EXTL3: variants seen among roughly 807,000 people sequenced by gnomAD.
The protein encoded by EXTL3 is exostosin-like 3.
A neutral mutation model predicts 69.3 loss-of-function variants in EXTL3; 27 were observed. The observed-to-expected ratio is 0.39, with a 90% CI of 0.29 to 0.54. The LOEUF (loss-of-function observed/expected upper bound fraction) is 0.54. Ranked by LOEUF, EXTL3 falls within the 20% of genes least tolerant of loss-of-function variation. The pLI, the probability that EXTL3 is intolerant of heterozygous loss-of-function variation, is 0.69. For missense variants in EXTL3, 1,003 were observed against 1,231.8 expected (o/e 0.81, Z 2.78); for synonymous variants, 511 against 499.4 (o/e 1.02, Z -0.31).
rs1802083307 is a variant in EXTL3, at chr8:28,754,847, CATG to C, written c.*3983_*3985del. On this transcript the variant is annotated 3_prime_UTR_variant, in exon 7 of 7. Coordinates refer to ENST00000220562, the MANE Select transcript of EXTL3 (RefSeq NM_001440.4). Reference sequence around the variant, plus strand: ...TGGTGAGGCAGAAGTGGGAGGATCACATGAGGCCAGTTCAAGACCAGTCTGGGC... The same window carrying C: ...TGGTGAGGCAGAAGTGGGAGGATCACAGGCCAGTTCAAGACCAGTCTGGGC... The C allele has an allele frequency of 6.6e-6, 1 of 152,210 alleles. No individual in the cohort carries two copies. The allele number at this position is 152,210 out of a possible 1,614,324, so 9.4% of individuals were successfully genotyped here. A position where few individuals can be genotyped will look rare whatever the true frequency, so the allele number is the denominator to read the frequency against.
intron 1 of EXTL3, among the ~76,000 whole-genome samples, chr8:28,627,117 T>A (rs1228086004): frequency 6.6e-6 from 1 of 151,082 alleles, no homozygotes; most frequent in East Asian, 1.9e-4. Flanking sequence ...AGGAGGTGGA[T>A]CTTGCAGTGA....
intron 1 of EXTL3, among the ~76,000 whole-genome samples, chr8:28,686,523 A>C (rs1563204478): frequency 6.6e-6 from 1 of 152,214 alleles, no homozygotes; most frequent in East Asian, 1.9e-4. Context: ...GGCTGGCAAA[A>C]AGCCAATGTT....
intron 1 of EXTL3, among the ~76,000 whole-genome samples, chr8:28,657,894 T>C (rs1169476172): frequency 2.0e-5 from 3 of 152,224 alleles, no homozygotes; most frequent in Non-Finnish European, 4.4e-5. Context: ...CCTCCCTTAA[T>C]AGAGGTTTAC....
rs566037807 is a variant in EXTL3, at chr8:28,753,087, G to C, written c.*2221G>C. The C allele has an allele frequency of 6.6e-6, 1 of 152,278 alleles. No homozygotes were observed. The highest frequency in any genetic ancestry group is 1.5e-5 in the Non-Finnish European group (1 of 68,124). 9.4% of individuals were successfully genotyped at this position (152,278 alleles called of 1,614,324 possible). A position where few individuals can be genotyped will look rare whatever the true frequency, so the allele number is the denominator to read the frequency against. Reference sequence around the variant, plus strand: ...TGCCGCAGGGAGGGCTGTGGTGCCGGTGCTTCCAACAAGGACAGCCCTCCT... The same window carrying C: ...TGCCGCAGGGAGGGCTGTGGTGCCGCTGCTTCCAACAAGGACAGCCCTCCT... On this transcript the variant is annotated 3_prime_UTR_variant, in exon 7 of 7. Coordinates refer to ENST00000220562, the MANE Select transcript of EXTL3 (RefSeq NM_001440.4).
chr8:28,733,167 T>A (rs950106390), intron 4 of EXTL3, among the ~76,000 whole-genome samples: 1 of 152,162 alleles, frequency 6.6e-6, no homozygotes, highest in Non-Finnish European at 1.5e-5. Flanking sequence ...AGTGGATACC[T>A]AAGAGTAATG....
chr8:28,655,679 G>T (rs1157172512), intron 1 of EXTL3, among the ~76,000 whole-genome samples: 2 of 151,842 alleles, frequency 1.3e-5, no homozygotes, highest in Non-Finnish European at 2.9e-5. Flanking sequence ...TTTTAGTAGA[G>T]GACAAGGTTT....
chr8:28,679,698 G>C (rs923437527), intron 1 of EXTL3, among the ~76,000 whole-genome samples: 1 of 148,058 alleles, frequency 6.8e-6, no homozygotes, highest in African/African-American at 2.5e-5. Flanking sequence ...ATTCCAGCTT[G>C]AGTGACAAAG....
intron 2 of EXTL3, among the ~76,000 whole-genome samples, chr8:28,610,135 G>A (rs995633231): frequency 6.6e-6 from 1 of 152,008 alleles, no homozygotes; most frequent in African/African-American, 2.4e-5. Flanking sequence ...CCTGGGAGGT[G>A]GAGGTTGCAG....
chr8:28,692,326 T>G lies in EXTL3; in HGVS notation c.-52-21131T>G, dbSNP rs565864129. On this transcript the variant is annotated intron_variant, in intron 1 of 6. Transcript: ENST00000523149. ...CATAGTGTTTGCAAGGCTGAAGGCT[T>G]GGGTTGGGGAAGGGATCAATTATTA... is the stretch of plus-strand genomic sequence containing the variant. 1.1e-4 allele frequency among the ~76,000 whole-genome samples: 16 copies of G among 152,278 alleles called. No individual in the cohort carries two copies. The South Asian group carries it at 1.9e-3, about 18-fold the overall frequency.
upstream of EXTL3, among the ~76,000 whole-genome samples, chr8:28,619,112 A>C (rs1052650626): frequency 1.1e-4 from 16 of 146,518 alleles, no homozygotes; most frequent in African/African-American, 1.8e-4. Flanking sequence ...AAAAAAAAAA[A>C]AAAACAGCAG....
At chr8:28,695,472 G>C (rs1461294931) in intron 1 of EXTL3, among the ~76,000 whole-genome samples, 1 of 152,200 alleles carries the variant, frequency 6.6e-6, no homozygotes, top group Non-Finnish European at 1.5e-5. Context: ...GGACATGTGG[G>C]TACCACAGGT....
Position 28,751,138 on chromosome 8 carries a change from TCA to T in EXTL3, c.*276_*277del, listed in dbSNP as rs774830472. On this transcript the variant is annotated 3_prime_UTR_variant, in exon 7 of 7. Transcript: ENST00000220562. ...GACTGTGGCGACTCTGCAGAGTCACTCACACCGTTCGTACGCCCAGGACAGCT... is the reference window on the plus strand; with the variant it reads ...GACTGTGGCGACTCTGCAGAGTCACTCACCGTTCGTACGCCCAGGACAGCT... 4.0e-6 allele frequency: 2 copies of T among 500,998 alleles called. No individual in the cohort carries two copies. The allele number at this position is 500,998 out of a possible 1,614,324, so 31.0% of individuals were successfully genotyped here.
rs1807126178 is a variant in EXTL3 at position 28,662,105 on chromosome 8, A to G, written c.-53+39295A>G. Among the ~76,000 whole-genome samples the G allele has an allele frequency of 2.6e-5, 4 of 152,064 alleles. No homozygotes were observed. The South Asian group carries it at 8.3e-4, about 32-fold the overall frequency. On this transcript the variant is annotated intron_variant, in intron 1 of 6. Coordinates refer to the EXTL3 transcript ENST00000523149. ...CTACGCATGCACAGAAACCTGTTAC[A>G]TTATTATTTTTTTTGATGGTATACA...
chr8:28,707,798 C>T (rs1336436605), intron 1 of EXTL3, among the ~76,000 whole-genome samples: 2 of 152,154 alleles, frequency 1.3e-5, no homozygotes, highest in East Asian at 1.9e-4. Flanking sequence ...ATTAAACTGA[C>T]TGGTAAAACA....
At chr8:28,651,542 C>T (rs1289365313) in intron 1 of EXTL3, among the ~76,000 whole-genome samples, 2 of 152,126 alleles carry the variant, frequency 1.3e-5, no homozygotes, top group Non-Finnish European at 2.9e-5. Context: ...CCAGGCTAAT[C>T]TCAAACTCCT....
intron 1 of EXTL3, among the ~76,000 whole-genome samples, chr8:28,674,273 A>G (rs1302391771): frequency 6.6e-6 from 1 of 151,606 alleles, no homozygotes; most frequent in Admixed American, 6.6e-5. Flanking sequence ...GGGTCTTGCC[A>G]TGTGGCCCAG....
intron 1 of EXTL3, among the ~76,000 whole-genome samples, chr8:28,664,787 G>T (rs1336568987): frequency 1.3e-5 from 2 of 152,070 alleles, no homozygotes; most frequent in Non-Finnish European, 2.9e-5. Flanking sequence ...AAATTGCCCA[G>T]CGTTCTGAAA....
intron 1 of EXTL3, among the ~76,000 whole-genome samples, chr8:28,678,449 C>T (rs530691908): frequency 1.1e-3 from 165 of 152,174 alleles, no homozygotes; most frequent in Middle Eastern, 3.4e-3. Context: ...TGAGTTCTCA[C>T]TCTATTAGTT....
At chr8:28,660,838 C>CTTTTTTTTTTTTTT (rs58151386) in intron 1 of EXTL3, among the ~76,000 whole-genome samples, 8 of 46,954 alleles carry the variant, frequency 1.7e-4, no homozygotes, top group Admixed American at 3.6e-4. Flanking sequence ...CGATTTTTGG[C>CTTTTTTTTTTTTTT]TTTTTTTTTT....
Sources: allele counts gnomAD v4.1 joint callset (sites outside exome capture counted in the v4.1 genomes callset), GRCh38; gene constraint gnomAD v4.1.1; transcripts MANE v1.5; gene names NCBI Gene and HGNC (gene_info 2026-07-23, HGNC 2026-07-21).